ARID1B: variants seen among roughly 807,000 people sequenced by gnomAD.
The protein encoded by ARID1B is AT-rich interactive domain-containing protein 1B.
ARID1B carries 30 observed loss-of-function variants against 212.3 expected under a neutral mutation model. The observed-to-expected ratio is 0.14, with a 90% CI of 0.11 to 0.19. ARID1B has a LOEUF of 0.19. ARID1B is among the 10% of genes least tolerant of loss of function. The probability of loss-of-function intolerance (pLI) is 1.00; values close to 1 mark genes in which losing one functional copy is unlikely to be tolerated. For missense variants in ARID1B, 2,891 were observed against 3,204.0 expected (o/e 0.90, Z 2.36); for synonymous variants, 1,402 against 1,301.7 (o/e 1.08, Z -1.66).
chr6:156,820,737 A>G (rs965940348), intron 1 of ARID1B, among the ~76,000 whole-genome samples: 5 of 152,146 alleles, frequency 3.3e-5, no homozygotes, highest in Non-Finnish European at 1.5e-5. Context: ...CTTTTCCCCA[A>G]ATTATGTTTC....
intron 9 of ARID1B, among the ~76,000 whole-genome samples, chr6:157,171,216 T>C (rs151173044): frequency 8.5e-5 from 13 of 152,380 alleles, no homozygotes; most frequent in Admixed American, 4.6e-4. Flanking sequence ...TCGTTCTAGT[T>C]CTTAAATTTC....
rs865965931 is a variant in ARID1B at position 156,905,250 on chromosome 6, G to A, written c.2136+3725G>A. ...GAATCAATTGTGCTCACATATGCAC[G>A]CACACACACACACACACACACACAC... On this transcript the variant is annotated intron_variant, in intron 3 of 19. Transcript: ENST00000636930. Among the ~76,000 whole-genome samples, 311 of 143,836 alleles carry A rather than the reference G, an allele frequency of 2.2e-3. 2 individuals carry two copies. The highest frequency in any genetic ancestry group is 7.0e-3 in the African/African-American group (270 of 38,314). The allele number at this position is 143,836 out of a possible 152,430, so 94.4% of individuals were successfully genotyped here. A position where few individuals can be genotyped will look rare whatever the true frequency, so the allele number is the denominator to read the frequency against.
intron 4 of ARID1B, among the ~76,000 whole-genome samples, chr6:157,025,360 A>G (rs1048918016): frequency 2.0e-5 from 3 of 152,234 alleles, no homozygotes; most frequent in African/African-American, 4.8e-5. Context: ...ATGGATTACT[A>G]TGTTGAGAAA....
At chr6:157,173,643 C>A in intron 9 of ARID1B, 1 of 164,002 alleles carries the variant, frequency 6.1e-6, no homozygotes, top group Admixed American at 6.3e-5. Flanking sequence ...ATACGCACAC[C>A]CAGTATTTGC....
rs768663672 is a variant in ARID1B at position 157,201,442 on chromosome 6, A to G, written c.5217A>G (p.Ser1739=). Reference sequence around the variant, plus strand: ...TTCCTCCTGGCTCAGTAGAAGCATCACAACCAGTCTTGAAACAAAGGCGAA... The same window carrying G: ...TTCCTCCTGGCTCAGTAGAAGCATCGCAACCAGTCTTGAAACAAAGGCGAA... ...ITFPPGSVEA[S]QPVLKQRRKI... is the part of the protein sequence containing the mutation. Residue 1739 remains serine (S), a synonymous_variant, in exon 18 of 20, where the codon TCA becomes TCG. Transcript: ENST00000636930. This position sits in a 1 kb window ranked among gnomAD's most constrained non-coding sequence, Gnocchi z 5.2. The G allele has an allele frequency of 2.0e-6, 3 of 1,530,554 alleles. No homozygotes were observed. Among genetic ancestry groups the G allele is most frequent in the Non-Finnish European group, 2.6e-6 (3 of 1,137,940 alleles). 94.8% of individuals were successfully genotyped at this position (1,530,554 alleles called of 1,614,324 possible). A position where few individuals can be genotyped will look rare whatever the true frequency, so the allele number is the denominator to read the frequency against.
intron 4 of ARID1B, among the ~76,000 whole-genome samples, chr6:156,957,064 C>T (rs1263652915): frequency 7.9e-5 from 12 of 152,140 alleles, no homozygotes; most frequent in African/African-American, 2.7e-4. Context: ...TTTAAAATTA[C>T]CTCATTTTTA....
intron 3 of ARID1B, among the ~76,000 whole-genome samples, chr6:156,923,774 G>A (rs1426448773): frequency 6.6e-6 from 1 of 150,538 alleles, no homozygotes; most frequent in Non-Finnish European, 1.5e-5. Context: ...GTACAATCTC[G>A]GCTCACTGCA....
rs892731548 is a variant in ARID1B, at chr6:156,778,613, G to A, written c.933G>A (p.Pro311=). 6.0e-6 allele frequency: 8 copies of A among 1,338,334 alleles called. No homozygotes were observed. In the African/African-American group the frequency reaches 9.4e-5, roughly 16 times the overall value. The allele number at this position is 1,338,334 out of a possible 1,614,324, so 82.9% of individuals were successfully genotyped here. Residue 311 remains proline, a synonymous_variant, in exon 1 of 20, where the codon CCG becomes CCA. Coordinates refer to ENST00000636930, the MANE Select transcript of ARID1B (RefSeq NM_001374828.1). ...GCGGCGGCGGCCCGGCGGCCGTCCC[G>A]GAGTTTAATAATTACTATGGCAGCG... ...PGGGGGPAAV[P]EFNNYYGSAA...
intron 2 of ARID1B, among the ~76,000 whole-genome samples, chr6:156,857,214 C>T (rs1785011675): frequency 6.6e-6 from 1 of 152,180 alleles, no homozygotes; most frequent in African/African-American, 2.4e-5. Flanking sequence ...AGTGACATTC[C>T]TAAAGTTACA....
chr6:157,097,552 C>T (rs146072134), intron 5 of ARID1B, among the ~76,000 whole-genome samples: 2,496 of 152,312 alleles, frequency 0.016, 36 homozygotes, highest in Non-Finnish European at 0.028. Context: ...TGTGGCACTT[C>T]TCATAGCCAA....
intron 17 of ARID1B, among the ~76,000 whole-genome samples, chr6:157,199,218 C>T (rs1314707181): frequency 6.6e-6 from 1 of 152,158 alleles, no homozygotes; most frequent in Middle Eastern, 3.2e-3. Context: ...ATCTATTGTG[C>T]ATACTGTTGT....
intron 13 of ARID1B, chr6:157,186,313 A>G (rs1192376406): frequency 2.6e-6 from 1 of 385,392 alleles, no homozygotes; most frequent in Non-Finnish European, 5.3e-6. Context: ...TACACAAAAG[A>G]GCTTGGATTG....
intron 1 of ARID1B, among the ~76,000 whole-genome samples, chr6:156,813,038 A>G (rs954517935): frequency 6.7e-6 from 1 of 148,670 alleles, no homozygotes; most frequent in African/African-American, 2.5e-5. Flanking sequence ...ATACATATAT[A>G]TATACACATA....
At chr6:157,043,706 C>T (rs900259935) in intron 4 of ARID1B, among the ~76,000 whole-genome samples, 7 of 152,122 alleles carry the variant, frequency 4.6e-5, no homozygotes, top group African/African-American at 1.7e-4. Flanking sequence ...ATTTCCTTGC[C>T]GATTCTCCTG....
At chr6:156,803,415 T>C (rs903140238) in intron 1 of ARID1B, among the ~76,000 whole-genome samples, 4 of 152,200 alleles carry the variant, frequency 2.6e-5, no homozygotes, top group African/African-American at 9.6e-5. Flanking sequence ...TTTCCTTTCC[T>C]TTCCTTTCGT....
At chr6:156,813,961 G>A (rs995667165) in intron 1 of ARID1B, among the ~76,000 whole-genome samples, 12 of 152,140 alleles carry the variant, frequency 7.9e-5, no homozygotes, top group African/African-American at 2.2e-4. Context: ...TCATGCTCCC[G>A]CGCTGTGGAT....
chr6:156,786,870 C>T (rs1017324240), intron 1 of ARID1B, among the ~76,000 whole-genome samples: 4 of 151,668 alleles, frequency 2.6e-5, no homozygotes, highest in Non-Finnish European at 5.9e-5. Context: ...GTATTGCTGA[C>T]ATCATTGACT....
chr6:157,176,449 CT>C (rs1792109136), intron 11 of ARID1B, among the ~76,000 whole-genome samples: 1 of 152,090 alleles, frequency 6.6e-6, no homozygotes. Context: ...CAGTAATGCT[CT>C]CAAGTTAACA....
Position 157,148,428 on chromosome 6 carries a change from T to G in ARID1B, c.2762-196T>G, listed in dbSNP as rs1789955968. On this transcript the variant is annotated intron_variant, in intron 7 of 19. Transcript: ENST00000636930. This position sits in a 1 kb window ranked among gnomAD's most constrained non-coding sequence, Gnocchi z 5.6. ...TCCTCTGGGGCTGTCTGTATTTGAGTCACTCTCTGAGGGCCTGGGAGTGTG... is the reference window on the plus strand; with the variant it reads ...TCCTCTGGGGCTGTCTGTATTTGAGGCACTCTCTGAGGGCCTGGGAGTGTG... Among the ~76,000 whole-genome samples, 1 of 152,160 alleles carries G rather than the reference T, an allele frequency of 6.6e-6. No homozygotes were observed. Among genetic ancestry groups the G allele is most frequent in the African/African-American group, 2.4e-5 (1 of 41,418 alleles).
Sources: allele counts gnomAD v4.1 joint callset (sites outside exome capture counted in the v4.1 genomes callset), GRCh38; gene constraint gnomAD v4.1.1; non-coding constraint Gnocchi (gnomAD v3.1); transcripts MANE v1.5; gene names NCBI Gene and HGNC (gene_info 2026-07-23, HGNC 2026-07-21).